Variants in VSTM2A observed in about 807,000 individuals in gnomAD.
VSTM2A encodes the protein V-set and transmembrane domain containing 2A, also known as V-set and transmembrane domain-containing protein 2A.
VSTM2A carries 13 observed loss-of-function variants against 27.3 expected under a neutral mutation model. The observed-to-expected ratio is 0.48, with a 90% confidence interval of 0.31 to 0.76. The LOEUF (loss-of-function observed/expected upper bound fraction) is 0.76. Among genes scored for constraint, VSTM2A ranks in the 30% least tolerant of loss-of-function variants. The pLI is 0.05. For missense variants in VSTM2A, 280 were observed against 310.0 expected, an observed-to-expected ratio of 0.90 and a Z score of 0.73; for synonymous variants, 142 against 125.7, an observed-to-expected ratio of 1.13 and a Z score of -0.87.
At position 54,544,793 on chromosome 7, in the gene VSTM2A, C is replaced by A. The variant is rs1787891569; in HGVS notation, c.246+5C>A. 1 of 1,591,612 alleles carries A rather than the reference C, an allele frequency of 6.3e-7. No homozygotes were observed. The highest frequency in any genetic ancestry group is 1.3e-5 in the African/African-American group (1 of 74,338). ...GCCGAGGGGGCCGGCGCGCAGGTAG[C>A]GGAGCCCGCCGACCCCGCGTCTCCC... is the stretch of plus-strand genomic sequence containing the variant. On this transcript the variant is annotated splice_donor_5th_base_variant and intron_variant, in intron 2 of 4. Coordinates refer to ENST00000402613, the MANE Select transcript of VSTM2A (RefSeq NM_001301009.2).
At chr7:54,546,716 G>A (rs1486786955) in intron 2 of VSTM2A, 1 of 511,400 alleles carries the variant, frequency 2.0e-6, no homozygotes, top group Non-Finnish European at 3.4e-6. Flanking sequence ...GACAGCCCCG[G>A]GGAAAGCGCG....
At chr7:54,560,574 T>C (rs920705699) in intron 4 of VSTM2A, among the ~76,000 whole-genome samples, 1 of 152,158 alleles carries the variant, frequency 6.6e-6, no homozygotes, top group Non-Finnish European at 1.5e-5. Flanking sequence ...GATTTATAAA[T>C]GAGAATTATG....
chr7:54,544,978 A>G (rs1787899104), intron 2 of VSTM2A, among the ~76,000 whole-genome samples, 190 bp downstream of exon 2: 1 of 152,194 alleles, frequency 6.6e-6, no homozygotes, highest in African/African-American at 2.4e-5. Context: ...GTTAAAACCC[A>G]GAAGGAAGTC....
rs142661113 is a variant in VSTM2A at position 54,546,983 on chromosome 7, G to A, written c.283G>A (p.Gly95Arg). Residue 95 changes from glycine (G) to arginine (R), a missense_variant, in exon 3 of 5, where the codon GGG (glycine) becomes AGG (arginine). Physicochemically the swap from Gly to Arg is moderately radical, Grantham distance 125. Coordinates refer to ENST00000402613, the MANE Select transcript of VSTM2A (RefSeq NM_001301009.2). ...GCCCGACAGAGACCCGGACAGCGACGGGACCAAGATCAGCGTGAGTGCGGG... is the reference window on the plus strand; with the variant it reads ...GCCCGACAGAGACCCGGACAGCGACAGGACCAAGATCAGCGTGAGTGCGGG... Reference protein sequence around the residue: ...LLPDRDPDSDGTKISTVKVQG... With the variant: ...LLPDRDPDSDRTKISTVKVQG... 5.7e-6 allele frequency: 9 copies of A among 1,589,706 alleles called. No homozygotes were observed. The highest frequency in any genetic ancestry group is 6.8e-6 in the Non-Finnish European group (8 of 1,171,506).
At chr7:54,551,680 G>A (rs1788205104) in intron 4 of VSTM2A, 1 of 152,168 alleles carries the variant, frequency 6.6e-6, no homozygotes, top group African/African-American at 2.4e-5. Flanking sequence ...ATTATTTGAG[G>A]AAGATTTAAT....
chr7:54,555,750 C>A (rs1788333915), intron 4 of VSTM2A, among the ~76,000 whole-genome samples: 2 of 152,082 alleles, frequency 1.3e-5, no homozygotes, highest in African/African-American at 4.8e-5. Flanking sequence ...CTCTATGTGC[C>A]CTGAACAAGT....
At chr7:54,545,730 A>G (rs1408454601) in intron 2 of VSTM2A, among the ~76,000 whole-genome samples, 14 of 100,464 alleles carry the variant, frequency 1.4e-4, no homozygotes, top group Admixed American at 3.1e-4. Context: ...AAGGGGAAAA[A>G]GGGAGAGAGG....
In VSTM2A at chr7:54,546,774, A is replaced by C. The variant is rs537140203; in HGVS notation, c.247-173A>C. On this transcript the variant is annotated intron_variant, in intron 2 of 4. Transcript: ENST00000402613. ...GGACAGCGTGGGGTATGCCAGGGAC[A>C]GCGTGGGGGCGGTGCGGTCTGGGCC... 1.6e-3 allele frequency: 1,008 copies of C among 648,424 alleles called. 10 individuals carry two copies. In the African/African-American group the frequency reaches 0.017, roughly 11 times the overall value. 40.2% of individuals were successfully genotyped at this position (648,424 alleles called of 1,614,324 possible).
At chr7:54,554,021 A>C (rs770609335) in intron 4 of VSTM2A, 3 of 1,552,812 alleles carry the variant, frequency 1.9e-6, no homozygotes, top group African/African-American at 1.4e-5. Flanking sequence ...CTCTTCCCCA[A>C]CCTGGCCATG....
At chr7:54,554,733 C>T (rs1199765470) in intron 4 of VSTM2A, among the ~76,000 whole-genome samples, 1 of 152,206 alleles carries the variant, frequency 6.6e-6, no homozygotes, top group South Asian at 2.1e-4. Flanking sequence ...AGCCAAGGAC[C>T]TTGGTGTGCG....
At chr7:54,563,301 C>G (rs1378038161) in intron 4 of VSTM2A, among the ~76,000 whole-genome samples, 1 of 152,176 alleles carries the variant, frequency 6.6e-6, no homozygotes, top group African/African-American at 2.4e-5. Context: ...GTTGAATAAA[C>G]TCCAATAAGT....
At chr7:54,556,688 A>G (rs1041072802) in intron 4 of VSTM2A, among the ~76,000 whole-genome samples, 2 of 152,228 alleles carry the variant, frequency 1.3e-5, no homozygotes, top group African/African-American at 4.8e-5. Flanking sequence ...AATGATTTGG[A>G]TAATACAGGC....
chr7:54,555,958 CTG>C (rs1414610218), intron 4 of VSTM2A, among the ~76,000 whole-genome samples: 11 of 152,174 alleles, frequency 7.2e-5, no homozygotes, highest in Admixed American at 5.2e-4. Flanking sequence ...ATCAGCATCT[CTG>C]AGTGTAGAAC....
chr7:54,547,024 C>G (rs550932618), intron 3 of VSTM2A, 27 bp downstream of exon 3: 1 of 1,565,280 alleles, frequency 6.4e-7, no homozygotes, highest in South Asian at 1.2e-5. Flanking sequence ...CCAAGGGCCG[C>G]GGGCCCAGGC....
In VSTM2A at chr7:54,569,316, T is replaced by C; in HGVS notation, c.*97T>C. 13 of 1,514,540 alleles carry C rather than the reference T, an allele frequency of 8.6e-6. No homozygotes were observed. The highest frequency in any genetic ancestry group is 1.2e-5 in the Non-Finnish European group (13 of 1,129,268). The allele number at this position is 1,514,540 out of a possible 1,614,324, so 93.8% of individuals were successfully genotyped here. On this transcript the variant is annotated 3_prime_UTR_variant, in exon 5 of 5. Coordinates refer to ENST00000402613, the MANE Select transcript of VSTM2A (RefSeq NM_001301009.2). ...TTTCTTTGGCAAAACACTGATCTTTTATTTTAAGAGAATTAACGTGAAGTG... is the reference window on the plus strand; with the variant it reads ...TTTCTTTGGCAAAACACTGATCTTTCATTTTAAGAGAATTAACGTGAAGTG...
rs2115735496 is a variant in VSTM2A at position 54,542,484 on chromosome 7, C to G, written c.-247C>G. 1.9e-6 allele frequency: 1 copy of G among 525,762 alleles called. No homozygotes were observed. Among genetic ancestry groups the G allele is most frequent in the South Asian group, 2.8e-5 (1 of 35,984 alleles). 32.6% of individuals were successfully genotyped at this position (525,762 alleles called of 1,614,324 possible). ...AGCTGAAAGCAGGCAGCCAGGCAGC[C>G]GAGACACTTCCCAGCGATTCCAGCC... is the stretch of plus-strand genomic sequence containing the variant. On this transcript the variant is annotated 5_prime_UTR_variant, in exon 1 of 5. Coordinates refer to ENST00000402613, the MANE Select transcript of VSTM2A (RefSeq NM_001301009.2).
rs760731472 is a variant in VSTM2A, at chr7:54,554,069, T to C, written c.634+3899T>C. 7 of 1,551,786 alleles carry C rather than the reference T, an allele frequency of 4.5e-6. No individual in the cohort carries two copies. The East Asian group carries it at 1.5e-4, about 32-fold the overall frequency. On this transcript the variant is annotated intron_variant, in intron 4 of 4. Coordinates refer to ENST00000402613, the MANE Select transcript of VSTM2A (RefSeq NM_001301009.2). Reference sequence around the variant, plus strand: ...GTGTGCAGAGCTGCGTGCTGGCTCCTCCAGGTAAATTGCCCAGGTCGCTCG... The same window carrying C: ...GTGTGCAGAGCTGCGTGCTGGCTCCCCCAGGTAAATTGCCCAGGTCGCTCG...
At chr7:54,559,381 G>T (rs1411292550) in intron 4 of VSTM2A, 2 of 152,044 alleles carry the variant, frequency 1.3e-5, no homozygotes, top group Non-Finnish European at 2.9e-5. Flanking sequence ...TTGCAAATCT[G>T]TCAGGTTTTT....
intron 2 of VSTM2A, 95 bp downstream of exon 2, chr7:54,544,883 C>G: frequency 7.2e-7 from 1 of 1,386,434 alleles, no homozygotes; most frequent in Non-Finnish European, 9.6e-7. Context: ...GCCTGGACAC[C>G]CCTGGGGACC....
Sources: allele counts gnomAD v4.1 joint callset (sites outside exome capture counted in the v4.1 genomes callset), GRCh38; gene constraint gnomAD v4.1.1; transcripts MANE v1.5; gene names NCBI Gene and HGNC (gene_info 2026-07-23, HGNC 2026-07-21).